The following CADPS2 variants were observed in gnomAD, a reference collection of about 807,000 sequenced individuals.
CADPS2 encodes calcium-dependent secretion activator 2.
CADPS2 carries 93 observed loss-of-function variants against 172.5 expected under a neutral mutation model. That is an observed-to-expected ratio of 0.54 (90% confidence interval 0.46 to 0.64). The LOEUF (loss-of-function observed/expected upper bound fraction) is 0.64. Among genes scored for constraint, CADPS2 ranks in the 30% least tolerant of loss-of-function variants. CADPS2 has a pLI of 0.00. For missense variants in CADPS2, 1,420 were observed against 1,565.9 expected (o/e 0.91, Z 1.57); for synonymous variants, 546 against 555.2 (o/e 0.98, Z 0.23).
At chr7:122,845,599 G>A (rs1209840142) in intron 1 of CADPS2, among the ~76,000 whole-genome samples, 2 of 152,280 alleles carry the variant, frequency 1.3e-5, no homozygotes, top group East Asian at 3.9e-4. Flanking sequence ...CCCCTCAGGA[G>A]TCACACACCA....
At chr7:122,333,104 T>G (rs1427097891) in intron 28 of CADPS2, among the ~76,000 whole-genome samples, 1 of 152,234 alleles carries the variant, frequency 6.6e-6, no homozygotes, top group African/African-American at 2.4e-5. Context: ...TAATGGTGTA[T>G]GTACTAGTTT....
At chr7:122,757,826 A>T (rs1325806917) in intron 1 of CADPS2, among the ~76,000 whole-genome samples, 1 of 152,110 alleles carries the variant, frequency 6.6e-6, no homozygotes, top group African/African-American at 2.4e-5. Flanking sequence ...ACTCATTTTA[A>T]AATAAAGACA....
intron 27 of CADPS2, among the ~76,000 whole-genome samples, chr7:122,359,264 T>A (rs2039822969): frequency 6.6e-6 from 1 of 152,038 alleles, no homozygotes; most frequent in Non-Finnish European, 1.5e-5. Context: ...CGAGGATTAA[T>A]GGGTAAAATT....
chr7:122,871,756 A>G (rs1819814020), intron 1 of CADPS2, among the ~76,000 whole-genome samples: 1 of 152,050 alleles, frequency 6.6e-6, no homozygotes, highest in African/African-American at 2.4e-5. Flanking sequence ...AGCACCTGAC[A>G]TTGTTTTCTA....
chr7:122,662,400 C>T (rs541987844), intron 3 of CADPS2, among the ~76,000 whole-genome samples: 5 of 127,734 alleles, frequency 3.9e-5, no homozygotes, highest in South Asian at 2.5e-4. Flanking sequence ...TTTTTTAAGA[C>T]GAGTCTTACT....
At chr7:122,401,893 G>T (rs958531723) in intron 20 of CADPS2, among the ~76,000 whole-genome samples, 1 of 152,114 alleles carries the variant, frequency 6.6e-6, no homozygotes, top group East Asian at 1.9e-4. Context: ...TTGTGGTGCA[G>T]CTGGTGCTCT....
At chr7:122,358,487 T>C (rs573104058) in intron 27 of CADPS2, among the ~76,000 whole-genome samples, 1 of 152,246 alleles carries the variant, frequency 6.6e-6, no homozygotes, top group African/African-American at 2.4e-5. Flanking sequence ...TTTTTTTTCT[T>C]TCATGAATTA....
At chr7:122,720,079 C>G (rs1326332929) in intron 2 of CADPS2, among the ~76,000 whole-genome samples, 2 of 152,006 alleles carry the variant, frequency 1.3e-5, no homozygotes, top group Non-Finnish European at 2.9e-5. Flanking sequence ...TGGACTATTT[C>G]AATACCAAAT....
chr7:122,406,968 A>C (rs1262293086), intron 20 of CADPS2, among the ~76,000 whole-genome samples: 1 of 152,232 alleles, frequency 6.6e-6, no homozygotes, highest in African/African-American at 2.4e-5. Flanking sequence ...ACCATCTACC[A>C]GAATGACTGT....
intron 6 of CADPS2, among the ~76,000 whole-genome samples, chr7:122,587,907 T>C (rs2070025719): frequency 6.6e-6 from 1 of 152,164 alleles, no homozygotes; most frequent in Admixed American, 6.6e-5. Context: ...ATCACCATTC[T>C]GACTGGCATG....
chr7:122,631,213 A>T (rs554338147), intron 3 of CADPS2, among the ~76,000 whole-genome samples: 1 of 152,302 alleles, frequency 6.6e-6, no homozygotes, highest in Admixed American at 6.5e-5. Flanking sequence ...TTTCTTCAAA[A>T]GACATAAAAA....
At chr7:122,612,871 G>A (rs1173395142) in intron 6 of CADPS2, among the ~76,000 whole-genome samples, 1 of 152,084 alleles carries the variant, frequency 6.6e-6, no homozygotes, top group African/African-American at 2.4e-5. Context: ...ACAGAATTGA[G>A]AGTCCAGAAA....
chr7:122,784,394 C>T (rs145305888), intron 1 of CADPS2, among the ~76,000 whole-genome samples: 18 of 152,298 alleles, frequency 1.2e-4, no homozygotes, highest in Admixed American at 5.9e-4. Context: ...TAAATACATA[C>T]GCACTCATGT....
intron 1 of CADPS2, among the ~76,000 whole-genome samples, chr7:122,869,986 A>T (rs1372292600): frequency 6.6e-6 from 1 of 152,096 alleles, no homozygotes; most frequent in Non-Finnish European, 1.5e-5. Context: ...TTCAAAGCAT[A>T]CCATAGAGAA....
intron 1 of CADPS2, among the ~76,000 whole-genome samples, chr7:122,764,566 A>G (rs1274972339): frequency 7.0e-6 from 1 of 143,100 alleles, no homozygotes; most frequent in Non-Finnish European, 1.5e-5. Flanking sequence ...ACAGTGTAAG[A>G]TGGTGCTGAA....
intron 7 of CADPS2, among the ~76,000 whole-genome samples, chr7:122,578,386 C>A (rs929232735): frequency 6.6e-6 from 1 of 152,050 alleles, no homozygotes; most frequent in Non-Finnish European, 1.5e-5. Flanking sequence ...AGAAAGAAAG[C>A]ACGGTGTAAG....
intron 17 of CADPS2, among the ~76,000 whole-genome samples, chr7:122,428,661 G>A (rs1048088007): frequency 1.3e-5 from 2 of 151,792 alleles, no homozygotes; most frequent in Non-Finnish European, 2.9e-5. Flanking sequence ...TAGAGATGGG[G>A]TTTCTCCATG....
At chr7:122,541,516 T>G (rs1018106063) in intron 8 of CADPS2, among the ~76,000 whole-genome samples, 17 of 146,910 alleles carry the variant, frequency 1.2e-4, no homozygotes, top group African/African-American at 3.7e-4. Flanking sequence ...AATTTTTGTT[T>G]TTTTTTTTTT....
chr7:122,462,472 T>C (rs578162372), intron 14 of CADPS2, among the ~76,000 whole-genome samples: 72 of 152,272 alleles, frequency 4.7e-4, no homozygotes, highest in Non-Finnish European at 8.2e-4. Flanking sequence ...AATAAAATGG[T>C]AGAAATGGAT....
Sources: gnomAD v4.1 joint callset for allele counts (sites outside exome capture counted in the v4.1 genomes callset) on GRCh38, gnomAD v4.1.1 for gene constraint, MANE v1.5 for transcripts, NCBI Gene and HGNC (gene_info 2026-07-23, HGNC 2026-07-21) for gene names.